Variants in HTR2C observed in about 807,000 individuals in gnomAD.
The protein encoded by HTR2C is 5-hydroxytryptamine receptor 2C.
Under a neutral mutation model 21.0 loss-of-function variants are expected in HTR2C, and 5 were observed. That is an observed-to-expected ratio of 0.24 (90% CI 0.12 to 0.50). The LOEUF is 0.50. Ranked by LOEUF, HTR2C falls within the 20% of genes least tolerant of loss-of-function variation. The probability of loss-of-function intolerance (pLI) is 0.98; values close to 1 mark genes in which losing one functional copy is unlikely to be tolerated. For synonymous variants in HTR2C, 150 were observed against 145.3 expected, an observed-to-expected ratio of 1.03 and a Z score of -0.23; for missense variants, 271 against 371.2, an observed-to-expected ratio of 0.73 and a Z score of 2.22.
chrX:114,811,521 A>G (rs1410093274), intron 4 of HTR2C, among the ~76,000 whole-genome samples: 2 of 112,479 alleles, frequency 1.8e-5, no homozygotes, highest in African/African-American at 6.4e-5. Context: ...TTACCTTTAC[A>G]TGGCATTTCT....
chrX:114,869,009 A>T (rs1380462370), intron 5 of HTR2C, among the ~76,000 whole-genome samples: 1 of 108,207 alleles, frequency 9.2e-6, no homozygotes, highest in African/African-American at 3.4e-5. Flanking sequence ...AACCCCTGAC[A>T]GGCCCCAGTG....
intron 4 of HTR2C, among the ~76,000 whole-genome samples, chrX:114,767,316 T>C (rs1278465333): frequency 5.4e-5 from 6 of 110,742 alleles, no homozygotes; most frequent in Non-Finnish European, 9.5e-5. Context: ...GAGCAAGAGG[T>C]TTCCTTATTC....
At chrX:114,685,810 A>G (rs1556414132) in intron 2 of HTR2C, among the ~76,000 whole-genome samples, 1 of 112,240 alleles carries the variant, frequency 8.9e-6, no homozygotes, top group Non-Finnish European at 1.9e-5. Context: ...CTACCTAGCC[A>G]GTACTTTATC....
chrX:114,610,563 G>A (rs782790224), intron 1 of HTR2C, among the ~76,000 whole-genome samples: 40 of 111,625 alleles, frequency 3.6e-4, no homozygotes, highest in African/African-American at 1.2e-3. Flanking sequence ...TTGCACATGC[G>A]AAATTTAAAA....
intron 2 of HTR2C, among the ~76,000 whole-genome samples, chrX:114,673,980 C>T (rs1284815481): frequency 1.8e-5 from 2 of 111,715 alleles, no homozygotes; most frequent in African/African-American, 3.3e-5. Context: ...TGTTTCAAGG[C>T]TGTGCTTGAT....
rs782804565 is a variant in HTR2C at position 114,604,697 on chromosome X, A to G, written c.-146-9118A>G. 9.9e-5 allele frequency among the ~76,000 whole-genome samples: 11 copies of G among 110,974 alleles called. No individual in the cohort carries two copies. The South Asian group carries it at 2.3e-3, about 23-fold the overall frequency. On this transcript the variant is annotated intron_variant, in intron 1 of 5. Transcript: ENST00000276198. ...CAGTGGGGTCCCACACAGATGGGAC[A>G]CGGCTTAGGAGGAATCCTGGGCTGC...
chrX:114,597,755 G>A (rs1473118147), intron 1 of HTR2C, among the ~76,000 whole-genome samples: 2 of 111,599 alleles, frequency 1.8e-5, no homozygotes, highest in South Asian at 3.7e-4. Context: ...ATAGAATTTC[G>A]AACAATCCAT....
At chrX:114,650,534 C>G (rs928697852) in intron 2 of HTR2C, among the ~76,000 whole-genome samples, 2 of 112,006 alleles carry the variant, frequency 1.8e-5, no homozygotes, top group East Asian at 2.8e-4. Context: ...AGATCATCCT[C>G]ATTCTTCAAG....
At chrX:114,623,542 G>A (rs995023169) in intron 2 of HTR2C, among the ~76,000 whole-genome samples, 1 of 111,760 alleles carries the variant, frequency 8.9e-6, no homozygotes, top group African/African-American at 3.2e-5. Flanking sequence ...TTTAGATGAG[G>A]CTATATAAGA....
At chrX:114,794,822 T>G (rs1198605575) in intron 4 of HTR2C, among the ~76,000 whole-genome samples, 1 of 109,956 alleles carries the variant, frequency 9.1e-6, no homozygotes, top group Non-Finnish European at 1.9e-5. Context: ...TTGTGAATAG[T>G]GCCACAATAA....
At chrX:114,644,358 AATAAATAT>A (rs1461527535) in intron 2 of HTR2C, among the ~76,000 whole-genome samples, 11 of 16,511 alleles carry the variant, frequency 6.7e-4, no homozygotes, top group South Asian at 5.2e-3. Flanking sequence ...TAAATAAATA[AATAAATAT>A]ATATATATAT....
chrX:114,681,123 G>A (rs782306180), intron 2 of HTR2C, among the ~76,000 whole-genome samples: 1 of 111,048 alleles, frequency 9.0e-6, no homozygotes, highest in East Asian at 2.9e-4. Flanking sequence ...TGCTTCATCC[G>A]GAATCTTATT....
intron 4 of HTR2C, among the ~76,000 whole-genome samples, chrX:114,756,090 C>T (rs1043912954): frequency 1.0e-4 from 10 of 97,073 alleles, no homozygotes; most frequent in Non-Finnish European, 1.9e-4. Context: ...ACCTGGGCAA[C>T]AGAGCAAGAC....
intron 4 of HTR2C, among the ~76,000 whole-genome samples, chrX:114,822,123 A>G (rs1287466026): frequency 9.0e-6 from 1 of 111,450 alleles, no homozygotes; most frequent in Non-Finnish European, 1.9e-5. Flanking sequence ...CTGGGATTAT[A>G]GGCGTGAGCC....
intron 4 of HTR2C, among the ~76,000 whole-genome samples, chrX:114,807,728 A>G (rs923353696): frequency 9.3e-6 from 1 of 107,633 alleles, no homozygotes; most frequent in African/African-American, 3.4e-5. Flanking sequence ...GCTGGAGTGC[A>G]GTAGTGCGAT....
intron 2 of HTR2C, among the ~76,000 whole-genome samples, chrX:114,638,973 G>T (rs782107112): frequency 9.0e-6 from 1 of 110,511 alleles, no homozygotes; most frequent in African/African-American, 3.3e-5. Flanking sequence ...GAATAATGCC[G>T]CAATAAACAT....
chrX:114,640,636 A>T (rs1181470902), intron 2 of HTR2C, among the ~76,000 whole-genome samples: 1 of 112,156 alleles, frequency 8.9e-6, no homozygotes, highest in Non-Finnish European at 1.9e-5. Context: ...CATATTTTTA[A>T]AATTATTGAC....
At chrX:114,632,990 A>G (rs1380272106) in intron 2 of HTR2C, among the ~76,000 whole-genome samples, 1 of 111,027 alleles carries the variant, frequency 9.0e-6, no homozygotes, top group Non-Finnish European at 1.9e-5. Context: ...TCCCTTACCC[A>G]TAAACACAAA....
At chrX:114,604,738 T>C (rs782462446) in intron 1 of HTR2C, among the ~76,000 whole-genome samples, 39 of 111,145 alleles carry the variant, frequency 3.5e-4, no homozygotes, top group East Asian at 1.7e-3. Context: ...TTCCTTGGCC[T>C]GGTGGTCAGA....
Sources: gnomAD v4.1 joint callset for allele counts (sites outside exome capture counted in the v4.1 genomes callset) on GRCh38, gnomAD v4.1.1 for gene constraint, MANE v1.5 for transcripts, NCBI Gene and HGNC (gene_info 2026-07-23, HGNC 2026-07-21) for gene names.